VASH2: variants seen among roughly 807,000 people sequenced by gnomAD.
VASH2 encodes vasohibin 2.
In VASH2, 28 loss-of-function variants were observed where a neutral mutation model predicts 37.2. The ratio of observed to expected loss-of-function variants is 0.75; its 90% CI spans 0.56 to 1.03. The LOEUF (loss-of-function observed/expected upper bound fraction) is 1.03. VASH2 is among the 50% of genes least tolerant of loss of function. The probability of loss-of-function intolerance (pLI) is 0.00; values close to 1 mark genes in which losing one functional copy is unlikely to be tolerated. For missense variants in VASH2, 419 were observed against 459.1 expected, an observed-to-expected ratio of 0.91 and a Z score of 0.80; for synonymous variants, 188 against 174.7, an observed-to-expected ratio of 1.08 and a Z score of -0.60.
In VASH2 at chr1:212,988,676, G is replaced by T; in HGVS notation, c.*92G>T. Reference sequence around the variant, plus strand: ...AGGAGGAACTGCAACTATTTATTAAGAACTTGTGAATTTTATTTTTAAGGA... The same window carrying T: ...AGGAGGAACTGCAACTATTTATTAATAACTTGTGAATTTTATTTTTAAGGA... On this transcript the variant is annotated 3_prime_UTR_variant, in exon 8 of 8. Coordinates refer to ENST00000517399, the MANE Select transcript of VASH2 (RefSeq NM_001301056.2). 7.7e-7 allele frequency: 1 copy of T among 1,292,468 alleles called. No individual in the cohort carries two copies. The highest frequency in any genetic ancestry group is 1.5e-5 in the African/African-American group (1 of 68,064). 80.1% of individuals were successfully genotyped at this position (1,292,468 alleles called of 1,614,324 possible). A position where few individuals can be genotyped will look rare whatever the true frequency, so the allele number is the denominator to read the frequency against.
In VASH2 at chr1:212,951,736, G is replaced by C; in HGVS notation, c.194G>C (p.Arg65Pro). 1 of 1,606,922 alleles carries C rather than the reference G, an allele frequency of 6.2e-7. No homozygotes were observed. The highest frequency in any genetic ancestry group is 8.5e-7 in the Non-Finnish European group (1 of 1,177,790). The part of the protein sequence containing the change: ...GFPIDSHTWE[R>P]MWMHVAKVHP... ...CCCATCGACAGCCACACCTGGGAGC[G>C]CATGTGGATGCACGTGGCCAAGGTG... Residue 65 changes from arginine (R) to proline (P), a missense_variant, in exon 2 of 8, where the codon CGC (arginine) becomes CCC (proline). This residue lies in a region of VASH2 where 158 missense variants were observed against 163.0 expected (regional missense o/e 0.97). Transcript: ENST00000517399. This position sits in a 1 kb window ranked among gnomAD's most constrained non-coding sequence, Gnocchi z 4.4.
At chr1:212,988,043 C>G (rs1426825242) in intron 7 of VASH2, among the ~76,000 whole-genome samples, 1 of 152,178 alleles carries the variant, frequency 6.6e-6, no homozygotes, top group East Asian at 1.9e-4. Context: ...TTTATACATT[C>G]AAGCCTGAAC....
intron 3 of VASH2, among the ~76,000 whole-genome samples, chr1:212,964,213 C>T (rs2102632192): frequency 6.6e-6 from 1 of 152,294 alleles, no homozygotes; most frequent in Admixed American, 6.5e-5. Context: ...CCAGAATCTG[C>T]TTATACTGAG....
rs541774566 is a variant in VASH2 at position 212,967,704 on chromosome 1, G to C, written c.497+1359G>C. On this transcript the variant is annotated intron_variant, in intron 5 of 7. Coordinates refer to ENST00000517399, the MANE Select transcript of VASH2 (RefSeq NM_001301056.2). ...GAGCTGTTACATGAGGGAATGGTGA[G>C]GCTAGACTCATGGCCCTGGGGATGG... The C allele has an allele frequency of 4.9e-5, 8 of 164,324 alleles. No homozygotes were observed. In the East Asian group the frequency reaches 9.8e-4, roughly 20 times the overall value. 10.2% of individuals were successfully genotyped at this position (164,324 alleles called of 1,614,324 possible). A position where few individuals can be genotyped will look rare whatever the true frequency, so the allele number is the denominator to read the frequency against.
chr1:212,955,293 T>C (rs544908285), intron 2 of VASH2, among the ~76,000 whole-genome samples: 1 of 152,314 alleles, frequency 6.6e-6, no homozygotes, highest in East Asian at 1.9e-4. Context: ...GGACATTCCC[T>C]TAGCAGCCAT....
chr1:212,951,639 G>C lies in VASH2; in HGVS notation c.97G>C (p.Ala33Pro). Reference sequence around the variant, plus strand: ...CAGCCACGCGCGGCCCGTGAGCCTCGCCACCAGCGGGGGCTCAGAGGAGGA... The same window carrying C: ...CAGCCACGCGCGGCCCGTGAGCCTCCCCACCAGCGGGGGCTCAGAGGAGGA... ...RSSHARPVSL[A>P]TSGGSEEEDK... Residue 33 changes from alanine to proline, a missense_variant, in exon 2 of 8, where the codon GCC becomes CCC. By Grantham distance (27) the Ala-to-Pro change is conservative. Coordinates refer to ENST00000517399, the MANE Select transcript of VASH2 (RefSeq NM_001301056.2). The surrounding 1 kb of genome is among the most constrained non-coding windows in gnomAD (Gnocchi z 4.4). The C allele has an allele frequency of 6.3e-7, 1 of 1,578,932 alleles. No homozygotes were observed. Among genetic ancestry groups the C allele is most frequent in the Non-Finnish European group, 8.6e-7 (1 of 1,162,968 alleles).
rs149535079 is a variant in VASH2 at position 212,951,526 on chromosome 1, C to T, written c.-17C>T. The T allele has an allele frequency of 1.8e-3, 2,489 of 1,348,922 alleles. 62 individuals are homozygous for T. The East Asian group carries it at 0.041, about 22-fold the overall frequency. The allele number at this position is 1,348,922 out of a possible 1,614,324, so 83.6% of individuals were successfully genotyped here. A position where few individuals can be genotyped will look rare whatever the true frequency, so the allele number is the denominator to read the frequency against. On this transcript the variant is annotated 5_prime_UTR_variant, in exon 2 of 8. Transcript: ENST00000517399. This position sits in a 1 kb window ranked among gnomAD's most constrained non-coding sequence, Gnocchi z 4.4. The stretch of plus-strand genomic sequence containing the variant: ...GCCGCGCGCCCCCAGTACCTCGCTC[C>T]CCGCCCAGGCCCCACCATGACCGGC...
chr1:212,971,057 A>G lies in VASH2; in HGVS notation c.498-1523A>G, dbSNP rs1376239582. 6.6e-6 allele frequency among the ~76,000 whole-genome samples: 1 copy of G among 151,806 alleles called. No homozygotes were observed. Among genetic ancestry groups the G allele is most frequent in the Non-Finnish European group, 1.5e-5 (1 of 67,976 alleles). On this transcript the variant is annotated intron_variant, in intron 5 of 7. Coordinates refer to ENST00000517399, the MANE Select transcript of VASH2 (RefSeq NM_001301056.2). The surrounding 1 kb of genome is among the most constrained non-coding windows in gnomAD (Gnocchi z 4.0). ...CCGCAGATGAGTGGAATCATACCAT[A>G]TTTGTCCTTTTGTATTAGGCTGATT...
Position 212,971,017 on chromosome 1 carries a change from T to C in VASH2, c.498-1563T>C, listed in dbSNP as rs972901549. On this transcript the variant is annotated intron_variant, in intron 5 of 7. Coordinates refer to ENST00000517399, the MANE Select transcript of VASH2 (RefSeq NM_001301056.2). The surrounding 1 kb of genome is among the most constrained non-coding windows in gnomAD (Gnocchi z 4.0). ...CGTTCTACTCTCTGTCTGTATGCAC[T>C]TGCTACTCCAGGTACCGCAGATGAG... Among the ~76,000 whole-genome samples the C allele has an allele frequency of 1.3e-5, 2 of 152,130 alleles. No homozygotes were observed. The highest frequency in any genetic ancestry group is 1.3e-4 in the Admixed American group (2 of 15,278).
intron 5 of VASH2, chr1:212,968,744 G>A (rs1308180307): frequency 4.1e-6 from 4 of 985,332 alleles, no homozygotes; most frequent in African/African-American, 1.7e-5. Context: ...GCTGTTCAGC[G>A]AAGCCTCCTG....
chr1:212,973,571 G>C (rs1395043567), intron 6 of VASH2: 30 of 1,267,660 alleles, frequency 2.4e-5, no homozygotes, highest in Non-Finnish European at 3.0e-5. Flanking sequence ...TGTGGGATGG[G>C]AGCATCAGAG....
chr1:212,955,845 C>G (rs937147586), intron 2 of VASH2, among the ~76,000 whole-genome samples: 1 of 152,222 alleles, frequency 6.6e-6, no homozygotes, highest in African/African-American at 2.4e-5. Context: ...TTTCCTCCCC[C>G]ATCCTGGATT....
In VASH2 at chr1:212,961,163, CA is replaced by C; in HGVS notation, c.277-2del. On this transcript the variant is annotated splice_acceptor_variant, in intron 2 of 7. Transcript: ENST00000517399. LOFTEE classifies it high-confidence loss of function. ...ACACCTCCTCTTCTCTATTTTTCTG[CA>C]GCCTTCAATACCCCAGGTCCCAAAC... The C allele has an allele frequency of 6.2e-7, 1 of 1,614,100 alleles. No individual in the cohort carries two copies. Among genetic ancestry groups the C allele is most frequent in the Non-Finnish European group, 8.5e-7 (1 of 1,179,986 alleles).
chr1:212,959,505 TGA>T (rs1351630811), intron 2 of VASH2, among the ~76,000 whole-genome samples: 1 of 152,194 alleles, frequency 6.6e-6, no homozygotes, highest in Non-Finnish European at 1.5e-5. Context: ...GTGATTCTGA[TGA>T]GTTTCCTTCC....
intron 7 of VASH2, among the ~76,000 whole-genome samples, chr1:212,976,045 C>T (rs1462329657): frequency 1.3e-5 from 2 of 152,098 alleles, no homozygotes; most frequent in Non-Finnish European, 1.5e-5. Context: ...ATCTTAGAAA[C>T]CATGGTAACA....
At chr1:212,982,305 A>G (rs934096100) in intron 7 of VASH2, among the ~76,000 whole-genome samples, 1 of 152,210 alleles carries the variant, frequency 6.6e-6, no homozygotes, top group African/African-American at 2.4e-5. Flanking sequence ...TTTTTCCCCT[A>G]AAACAAAATG....
At chr1:212,961,837 T>C (rs1666688222) in intron 3 of VASH2, among the ~76,000 whole-genome samples, 1 of 152,238 alleles carries the variant, frequency 6.6e-6, no homozygotes, top group Admixed American at 6.5e-5. Context: ...TTACCTCAAG[T>C]GATCCGCCCA....
In VASH2 at chr1:212,950,682, A is replaced by C. The variant is rs1344227796; in HGVS notation, c.-263A>C. The C allele has an allele frequency of 6.4e-6, 1 of 156,618 alleles. No homozygotes were observed. The highest frequency in any genetic ancestry group is 1.4e-5 in the Non-Finnish European group (1 of 70,918). The allele number at this position is 156,618 out of a possible 1,614,324, so 9.7% of individuals were successfully genotyped here. On this transcript the variant is annotated 5_prime_UTR_variant, in exon 1 of 8. Transcript: ENST00000517399. This position sits in a 1 kb window ranked among gnomAD's most constrained non-coding sequence, Gnocchi z 5.5. ...CCCCAGGCCCAGCAGCAGCAGCAGC[A>C]GCCCCTGCTCTCCCGCCGCCCGGAG...
Position 212,965,966 on chromosome 1 carries a change from T to C in VASH2, c.422+188T>C. 4 of 620,742 alleles carry C rather than the reference T, an allele frequency of 6.4e-6. No homozygotes were observed. The South Asian group carries it at 8.0e-5, about 12-fold the overall frequency. 38.5% of individuals were successfully genotyped at this position (620,742 alleles called of 1,614,324 possible). A position where few individuals can be genotyped will look rare whatever the true frequency, so the allele number is the denominator to read the frequency against. ...GACTGAGCAACTCTGACAGTGGAGC[T>C]CAGTGGTGAATTCTAGCTTCCAGGG... On this transcript the variant is annotated intron_variant, in intron 4 of 7. Transcript: ENST00000517399.
Sources: gnomAD v4.1 joint callset for allele counts (sites outside exome capture counted in the v4.1 genomes callset) on GRCh38, gnomAD v4.1.1 for gene constraint, gnomAD v4.1.1 regional missense constraint, Gnocchi (gnomAD v3.1) non-coding constraint, MANE v1.5 for transcripts, NCBI Gene and HGNC (gene_info 2026-07-23, HGNC 2026-07-21) for gene names.